The following ZC3H7A variants were observed in gnomAD, a reference collection of about 807,000 sequenced individuals.
ZC3H7A encodes zinc finger CCCH-type containing 7A.
ZC3H7A carries 44 observed loss-of-function variants against 125.5 expected under a neutral mutation model. The ratio of observed to expected loss-of-function variants is 0.35; its 90% CI spans 0.28 to 0.45. The LOEUF (loss-of-function observed/expected upper bound fraction) is 0.45. ZC3H7A is among the 20% of genes least tolerant of loss of function. The pLI is 1.00. For missense variants in ZC3H7A, 977 were observed against 1,170.7 expected, an observed-to-expected ratio of 0.83 and a Z score of 2.41; for synonymous variants, 399 against 391.2, an observed-to-expected ratio of 1.02 and a Z score of -0.23.
At chr16:11,795,158 G>A (rs1032590231) in intron 1 of ZC3H7A, among the ~76,000 whole-genome samples, 1 of 152,168 alleles carries the variant, frequency 6.6e-6, no homozygotes, top group African/African-American at 2.4e-5. Context: ...GGAAAATACT[G>A]TCCATTAACT....
At chr16:11,789,636 G>A (rs1204021756) in intron 1 of ZC3H7A, among the ~76,000 whole-genome samples, 1 of 152,180 alleles carries the variant, frequency 6.6e-6, no homozygotes, top group Non-Finnish European at 1.5e-5. Context: ...TAATCAGTGT[G>A]TTCGTTTTCA....
intron 1 of ZC3H7A, among the ~76,000 whole-genome samples, chr16:11,788,881 G>A (rs369918322): frequency 7.2e-5 from 11 of 152,082 alleles, no homozygotes; most frequent in Non-Finnish European, 1.3e-4. Flanking sequence ...CAAAGTGCTG[G>A]GATTACAGGC....
chr16:11,774,992 C>A lies in ZC3H7A; in HGVS notation c.607G>T (p.Asp203Tyr). The change falls in exon 8 of 23, where the codon GAT becomes TAT. Residue 203 changes from aspartate to tyrosine, a missense_variant. Transcript: ENST00000355758. The stretch of plus-strand genomic sequence containing the variant: ...TGTGAAAACATACCTGGCTCAATAT[C>A]TTCCACAGAATGGTTCAAAGCCTAG... ...ATKALNHSVE[D>Y]IEPDLLTPRQ... The A allele has an allele frequency of 6.2e-7, 1 of 1,614,140 alleles. No homozygotes were observed. Among genetic ancestry groups the A allele is most frequent in the Non-Finnish European group, 8.5e-7 (1 of 1,180,002 alleles).
chr16:11,760,122 G>GAAACAAAAAAAAAA (rs2052722293), intron 19 of ZC3H7A, among the ~76,000 whole-genome samples: 1 of 82,534 alleles, frequency 1.2e-5, no homozygotes, highest in African/African-American at 5.4e-5. Flanking sequence ...AAGAAAAAAT[G>GAAACAAAAAAAAAA]AAAAAAAAAA....
chr16:11,766,858 G>A (rs2052868168), intron 13 of ZC3H7A, among the ~76,000 whole-genome samples: 1 of 152,086 alleles, frequency 6.6e-6, no homozygotes, highest in Non-Finnish European at 1.5e-5. Flanking sequence ...ACTCCAGCCT[G>A]GATGACAGAA....
chr16:11,788,403 C>CCCT (rs2053291751), intron 1 of ZC3H7A, among the ~76,000 whole-genome samples: 1 of 152,186 alleles, frequency 6.6e-6, no homozygotes, highest in South Asian at 2.1e-4. Flanking sequence ...CCCAGGCAGA[C>CCCT]CCTCTGGCCT....
chr16:11,762,070 A>C (rs756146597), intron 17 of ZC3H7A, 27 bp from the exon 18 acceptor site: 2 of 1,551,792 alleles, frequency 1.3e-6, no homozygotes, highest in Non-Finnish European at 1.7e-6. Context: ...ATTCGTTTTA[A>C]TTTTTTTAAC....
At chr16:11,777,372 G>A (rs1162100670) in intron 4 of ZC3H7A, among the ~76,000 whole-genome samples, 5 of 152,150 alleles carry the variant, frequency 3.3e-5, no homozygotes, top group East Asian at 3.8e-4. Flanking sequence ...GTGACAACAC[G>A]GATATTTTTC....
chr16:11,765,798 G>C lies in ZC3H7A; in HGVS notation c.1523-113C>G. On this transcript the variant is annotated intron_variant, in intron 13 of 22. Coordinates refer to ENST00000355758, the MANE Select transcript of ZC3H7A (RefSeq NM_014153.4). The surrounding 1 kb of genome is among the most constrained non-coding windows in gnomAD (Gnocchi z 4.8). Reference sequence around the variant, plus strand: ...CTTGAGCCCAGGAGTTCAAGGCTGCGGTGAGCAATGATCTTGCCACTGCAC... The same window carrying C: ...CTTGAGCCCAGGAGTTCAAGGCTGCCGTGAGCAATGATCTTGCCACTGCAC... The C allele has an allele frequency of 1.0e-6, 1 of 955,508 alleles. No homozygotes were observed. The highest frequency in any genetic ancestry group is 1.5e-6 in the Non-Finnish European group (1 of 668,558). 59.2% of individuals were successfully genotyped at this position (955,508 alleles called of 1,614,324 possible).
chr16:11,783,604 A>G (rs1389368380), intron 1 of ZC3H7A, among the ~76,000 whole-genome samples: 2 of 152,226 alleles, frequency 1.3e-5, no homozygotes, highest in Non-Finnish European at 2.9e-5. Flanking sequence ...GGGTGGGGAA[A>G]GCACAATCAG....
Position 11,776,760 on chromosome 16 carries a change from T to G in ZC3H7A, c.456A>C (p.Ala152=), listed in dbSNP as rs758292926. 5 of 1,606,388 alleles carry G rather than the reference T, an allele frequency of 3.1e-6. No homozygotes were observed. In the South Asian group the frequency reaches 4.5e-5, roughly 14 times the overall value. ...ACTATAAATTCCATACCTGAGGCAC[T>G]GCTAAGGAGCACTTTGCTACAGCAT... ...AYDAVAKCSL[A]VPQDEHVIKL... The change falls in exon 5 of 23, where the codon GCA becomes GCC. Residue 152 remains alanine (A), a synonymous_variant. Coordinates refer to ENST00000355758, the MANE Select transcript of ZC3H7A (RefSeq NM_014153.4).
chr16:11,770,137 G>A (rs62040624), intron 10 of ZC3H7A, among the ~76,000 whole-genome samples: 19,678 of 151,762 alleles, frequency 0.13, 1,764 homozygotes, highest in South Asian at 0.39. Flanking sequence ...CTGCCCTTCT[G>A]TCTCCCATAT....
intron 3 of ZC3H7A, among the ~76,000 whole-genome samples, chr16:11,780,167 G>A (rs950548845): frequency 6.0e-5 from 9 of 150,844 alleles, no homozygotes; most frequent in African/African-American, 2.2e-4. Flanking sequence ...TGGCACCCAG[G>A]CTGGAGTGCA....
rs1293231380 is a variant in ZC3H7A, at chr16:11,767,433, T to C, written c.1506A>G (p.Pro502=). ...PRPTKTNYEG[P]YYICKDVAAE... is the part of the protein sequence containing the mutation. ...AGTACATACCTTTACATATATAATA[T>C]GGTCCTTCATAATTTGTTTTTGTTG... The change falls in exon 13 of 23, where the codon CCA becomes CCG. Residue 502 remains proline (P), a synonymous_variant. Coordinates refer to ENST00000355758, the MANE Select transcript of ZC3H7A (RefSeq NM_014153.4). 4 of 1,588,948 alleles carry C rather than the reference T, an allele frequency of 2.5e-6. No homozygotes were observed. In the African/African-American group the frequency reaches 4.0e-5, roughly 16 times the overall value.
intron 19 of ZC3H7A, among the ~76,000 whole-genome samples, 187 bp downstream of exon 19, chr16:11,761,219 A>G (rs988953922): frequency 1.3e-5 from 2 of 152,232 alleles, no homozygotes; most frequent in Non-Finnish European, 2.9e-5. Flanking sequence ...AATTCCAATC[A>G]ATATGAAAAC....
At chr16:11,759,465 G>T (rs2052705378) in intron 19 of ZC3H7A, 1 of 152,102 alleles carries the variant, frequency 6.6e-6, no homozygotes, top group Non-Finnish European at 1.5e-5. Flanking sequence ...CAATGTCAGT[G>T]ACCCCACCCT....
At chr16:11,790,079 C>CA (rs150579733) in intron 1 of ZC3H7A, among the ~76,000 whole-genome samples, 1,597 of 72,478 alleles carry the variant, frequency 0.022, 21 homozygotes, top group African/African-American at 0.029. Context: ...GACTCCATCT[C>CA]AAAAAAAAAA....
chr16:11,764,534 A>G (rs998313236), intron 15 of ZC3H7A, among the ~76,000 whole-genome samples: 1 of 151,636 alleles, frequency 6.6e-6, no homozygotes, highest in Non-Finnish European at 1.5e-5. Context: ...GGGAAACAGA[A>G]AAAGACTTCG....
chr16:11,790,767 G>GGCAGAAC (rs2053336951), intron 1 of ZC3H7A, among the ~76,000 whole-genome samples: 1 of 151,868 alleles, frequency 6.6e-6, no homozygotes. Flanking sequence ...TTGAACTCCC[G>GGCAGAAC]ACCTCAGGTG....
Sources: gnomAD v4.1 joint callset for allele counts (sites outside exome capture counted in the v4.1 genomes callset) on GRCh38, gnomAD v4.1.1 for gene constraint, Gnocchi (gnomAD v3.1) non-coding constraint, MANE v1.5 for transcripts, NCBI Gene and HGNC (gene_info 2026-07-23, HGNC 2026-07-21) for gene names.